The following DAB2IP variants were observed in gnomAD, a reference collection of about 807,000 sequenced individuals.
DAB2IP encodes disabled homolog 2-interacting protein.
Under a neutral mutation model 107.2 loss-of-function variants are expected in DAB2IP, and 28 were observed. The ratio of observed to expected loss-of-function variants is 0.26; its 90% confidence interval spans 0.19 to 0.36. DAB2IP has a LOEUF of 0.36. Ranked by LOEUF, DAB2IP falls within the 10% of genes least tolerant of loss-of-function variation. The pLI, the probability that DAB2IP is intolerant of heterozygous loss-of-function variation, is 1.00. For synonymous variants in DAB2IP, 755 were observed against 706.4 expected, an observed-to-expected ratio of 1.07 and a Z score of -1.09; for missense variants, 1,400 against 1,644.7, an observed-to-expected ratio of 0.85 and a Z score of 2.57.
intron 8 of DAB2IP, among the ~76,000 whole-genome samples, chr9:121,765,018 G>T (rs1461801830): frequency 6.6e-6 from 1 of 152,214 alleles, no homozygotes; most frequent in Non-Finnish European, 1.5e-5. Flanking sequence ...GGGCAGGCCA[G>T]GAGGGTTGGC....
Position 121,717,612 on chromosome 9 carries a change from C to T in DAB2IP, c.362+18154C>T, listed in dbSNP as rs546217524. 6.6e-5 allele frequency among the ~76,000 whole-genome samples: 10 copies of T among 152,326 alleles called. No individual in the cohort carries two copies. In the East Asian group the frequency reaches 7.7e-4, roughly 12 times the overall value. ...GGGCATTCTGACCTGCCCCTCCTGG[C>T]GTGTTTACTCCTCTCTACCCATAGT... On this transcript the variant is annotated intron_variant, in intron 3 of 15. Coordinates refer to ENST00000408936, the Ensembl canonical transcript of DAB2IP.
chr9:121,602,568 A>ATTTGTTTTGT (rs60719164), intron 1 of DAB2IP, among the ~76,000 whole-genome samples: 4,802 of 150,416 alleles, frequency 0.032, 210 homozygotes, highest in African/African-American at 0.091. Flanking sequence ...CAATTTTTAA[A>ATTTGTTTTGT]TTTGTTTTGT....
intron 1 of DAB2IP, among the ~76,000 whole-genome samples, chr9:121,642,029 C>CTCTCTCTCTCTTTCTCTCTTTCTT (rs1392950950): frequency 3.7e-5 from 1 of 26,720 alleles, no homozygotes; most frequent in Non-Finnish European, 7.4e-5. Context: ...CTCTCTCTCT[C>CTCTCTCTCTCTTTCTCTCTTTCTT]TCTTTCTTTC....
At chr9:121,626,418 A>T (rs945550826) in intron 1 of DAB2IP, among the ~76,000 whole-genome samples, 18 of 127,252 alleles carry the variant, frequency 1.4e-4, no homozygotes, top group Non-Finnish European at 1.2e-4. Context: ...ACTTCAGACG[A>T]GAAACCTTTT....
exon 11 of DAB2IP, chr9:121,770,707 T>C (rs1834658855): frequency 1.2e-6 from 2 of 1,613,928 alleles, no homozygotes; most frequent in Non-Finnish European, 1.7e-6. Flanking sequence ...AGATGGTGAT[T>C]GAGAACGATC....
At chr9:121,734,461 G>A (rs1416412564) in intron 3 of DAB2IP, among the ~76,000 whole-genome samples, 1 of 152,222 alleles carries the variant, frequency 6.6e-6, no homozygotes, top group Non-Finnish European at 1.5e-5. Context: ...GGCTAGGAAG[G>A]AGGGCACAGA....
At chr9:121,646,342 C>T (rs911240131) in intron 1 of DAB2IP, among the ~76,000 whole-genome samples, 16 of 152,266 alleles carry the variant, frequency 1.1e-4, no homozygotes, top group African/African-American at 3.9e-4. Context: ...TGACCTGGCC[C>T]CAGCCTCCCC....
intron 1 of DAB2IP, among the ~76,000 whole-genome samples, chr9:121,628,303 C>G (rs1365437806): frequency 1.3e-5 from 2 of 152,192 alleles, no homozygotes; most frequent in Admixed American, 6.5e-5. Flanking sequence ...GTGGGCCCCC[C>G]CCATCCTAGT....
At chr9:121,784,802 TTG>T (rs1436714050) in exon 16 of DAB2IP, 1 of 153,284 alleles carries the variant, frequency 6.5e-6, no homozygotes, top group Admixed American at 6.5e-5. Flanking sequence ...CCTGTGGCAT[TTG>T]TGTGTTGGCT....
At chr9:121,592,937 A>G (rs1324342031) in intron 1 of DAB2IP, among the ~76,000 whole-genome samples, 3 of 152,130 alleles carry the variant, frequency 2.0e-5, no homozygotes, top group Non-Finnish European at 4.4e-5. Context: ...TTAGTTCTAC[A>G]GTGTTGTACA....
intron 13 of DAB2IP, among the ~76,000 whole-genome samples, chr9:121,774,770 T>C (rs1835072566): frequency 6.6e-6 from 1 of 151,992 alleles, no homozygotes; most frequent in Admixed American, 6.5e-5. Flanking sequence ...CCAAGTGACA[T>C]ATAGAAGCCC....
intron 3 of DAB2IP, among the ~76,000 whole-genome samples, chr9:121,733,701 G>A (rs953368282): frequency 3.9e-5 from 6 of 152,314 alleles, no homozygotes; most frequent in South Asian, 4.1e-4. Context: ...TCCTGTGCCC[G>A]GGGCCACTGG....
At chr9:121,615,846 G>C (rs145774071) in intron 1 of DAB2IP, among the ~76,000 whole-genome samples, 2 of 151,980 alleles carry the variant, frequency 1.3e-5, no homozygotes, top group South Asian at 2.1e-4. Flanking sequence ...GGCTGGTCTC[G>C]AACTCCTGGT....
intron 1 of DAB2IP, among the ~76,000 whole-genome samples, chr9:121,567,521 G>A (rs1202104205): frequency 5.9e-5 from 9 of 152,242 alleles, no homozygotes; most frequent in Non-Finnish European, 1.0e-4. Context: ...AAGGAAGGAA[G>A]TTTTGCAGCC....
intron 2 of DAB2IP, among the ~76,000 whole-genome samples, chr9:121,683,903 A>G (rs142767613): frequency 6.6e-6 from 1 of 152,250 alleles, no homozygotes; most frequent in East Asian, 1.9e-4. Flanking sequence ...GCCCTGTGTG[A>G]TTGGAGTGCT....
intron 1 of DAB2IP, among the ~76,000 whole-genome samples, chr9:121,572,997 T>A (rs536064584): frequency 6.6e-6 from 1 of 152,284 alleles, no homozygotes. Context: ...ATGCTACTGC[T>A]GTAATAACTG....
At chr9:121,744,155 C>T (rs1041653666) in intron 3 of DAB2IP, among the ~76,000 whole-genome samples, 2 of 152,126 alleles carry the variant, frequency 1.3e-5, no homozygotes, top group East Asian at 3.9e-4. Flanking sequence ...TGGGGCTGCA[C>T]TGGGGTTTGG....
chr9:121,707,469 C>G (rs956986346), intron 3 of DAB2IP, among the ~76,000 whole-genome samples: 16 of 152,296 alleles, frequency 1.1e-4, no homozygotes, highest in Admixed American at 2.6e-4. Context: ...CCACGGGGGA[C>G]CAGAGCAGCC....
In DAB2IP at chr9:121,599,190, G is replaced by T. The variant is rs1386252974; in HGVS notation, c.40+31962G>T. ...GAGGGATAAGTAAAGCAAAGTCGCG[G>T]CCCACTCCTCGGTCCCGTACCCTCA... On this transcript the variant is annotated intron_variant, in intron 1 of 16. Coordinates refer to the DAB2IP transcript ENST00000259371. The surrounding 1 kb of genome is among the most constrained non-coding windows in gnomAD (Gnocchi z 6.9). Among the ~76,000 whole-genome samples, 2 of 152,148 alleles carry T rather than the reference G, an allele frequency of 1.3e-5. No individual in the cohort carries two copies. Among genetic ancestry groups the T allele is most frequent in the Non-Finnish European group, 2.9e-5 (2 of 68,024 alleles).
Sources: allele counts gnomAD v4.1 joint callset (sites outside exome capture counted in the v4.1 genomes callset), GRCh38; gene constraint gnomAD v4.1.1; non-coding constraint Gnocchi (gnomAD v3.1); transcripts MANE v1.5; gene names NCBI Gene and HGNC (gene_info 2026-07-23, HGNC 2026-07-21).